Variants in AGAP3 observed in about 807,000 individuals in gnomAD.
The protein encoded by AGAP3 is ArfGAP with GTPase domain, ankyrin repeat and PH domain 3, also known as arf-GAP with GTPase, ANK repeat and PH domain-containing protein 3.
AGAP3 carries 24 observed loss-of-function variants against 96.9 expected under a neutral mutation model. The ratio of observed to expected loss-of-function variants is 0.25; its 90% confidence interval spans 0.18 to 0.35. AGAP3 has a LOEUF of 0.35. Ranked by LOEUF, AGAP3 falls within the 10% of genes least tolerant of loss-of-function variation. The pLI is 1.00. For missense variants in AGAP3, 876 were observed against 1,254.2 expected, an observed-to-expected ratio of 0.70 and a Z score of 4.55; for synonymous variants, 563 against 536.1, an observed-to-expected ratio of 1.05 and a Z score of -0.69.
At chr7:151,136,176 A>C (rs1226780987) in intron 11 of AGAP3, 1 of 152,250 alleles carries the variant, frequency 6.6e-6, no homozygotes, top group Non-Finnish European at 1.5e-5. Context: ...GGTTTCTCTT[A>C]TCATTCCAAA....
In AGAP3 at chr7:151,144,045, C is replaced by A. The variant is rs1800927971; in HGVS notation, c.*102C>A. The A allele has an allele frequency of 7.8e-7, 1 of 1,283,880 alleles. No individual in the cohort carries two copies. Among genetic ancestry groups the A allele is most frequent in the Non-Finnish European group, 1.1e-6 (1 of 924,858 alleles). 79.5% of individuals were successfully genotyped at this position (1,283,880 alleles called of 1,614,324 possible). On this transcript the variant is annotated 3_prime_UTR_variant, in exon 18 of 18. Coordinates refer to ENST00000397238, the MANE Select transcript of AGAP3 (RefSeq NM_031946.7). ...AGACACAGAGATGGAGAAGCAGGGA[C>A]ATGCTGAGAGGACGAAGCCAAGGAA...
chr7:151,123,639 C>G, intron 8 of AGAP3, 155 bp from the exon 9 acceptor site: 1 of 1,478,704 alleles, frequency 6.8e-7, no homozygotes, highest in East Asian at 2.4e-5. Context: ...TTGGAATACT[C>G]GTGGTCTCAG....
At chr7:151,104,389 C>G (rs1387767024) in intron 1 of AGAP3, among the ~76,000 whole-genome samples, 1 of 152,140 alleles carries the variant, frequency 6.6e-6, no homozygotes, top group Non-Finnish European at 1.5e-5. Context: ...TGCACATGTG[C>G]CGGATACATG....
chr7:151,115,788 G>A, intron 1 of AGAP3: 1 of 444,882 alleles, frequency 2.2e-6, no homozygotes, highest in Non-Finnish European at 3.2e-6. Context: ...CTGGCGTCTG[G>A]GGTCTTCGGC....
rs1205649146 is a variant in AGAP3, at chr7:151,096,639, A to AT, written c.331+9573dup. 1.3e-5 allele frequency among the ~76,000 whole-genome samples: 2 copies of AT among 149,628 alleles called. No homozygotes were observed. The highest frequency in any genetic ancestry group is 3.0e-5 in the Non-Finnish European group (2 of 67,522). On this transcript the variant is annotated intron_variant, in intron 1 of 17. Transcript: ENST00000397238. This position sits in a 1 kb window ranked among gnomAD's most constrained non-coding sequence, Gnocchi z 4.4. Reference sequence around the variant, plus strand: ...AGGTGCCCACCACCACGCCCGGCTTATTTTTTGTATTTTTAGTAGAGACGA... The same window carrying AT: ...AGGTGCCCACCACCACGCCCGGCTTATTTTTTTGTATTTTTAGTAGAGACGA...
chr7:151,136,704 T>G (rs1279069944), intron 11 of AGAP3: 2 of 151,996 alleles, frequency 1.3e-5, no homozygotes, highest in Non-Finnish European at 2.9e-5. Context: ...CCCTCAGGAT[T>G]TTGGGTCGGG....
At chr7:151,092,505 G>C (rs76396113) in intron 1 of AGAP3, among the ~76,000 whole-genome samples, 46 of 152,322 alleles carry the variant, frequency 3.0e-4, no homozygotes, top group African/African-American at 9.6e-4. Context: ...GGTAGGGAAG[G>C]GGGGTGAGCC....
At chr7:151,135,109 G>A (rs1185571191) in intron 11 of AGAP3, among the ~76,000 whole-genome samples, 2 of 152,186 alleles carry the variant, frequency 1.3e-5, no homozygotes, top group Non-Finnish European at 2.9e-5. Flanking sequence ...TGGCTCAGGT[G>A]AAAGGCCTCC....
At chr7:151,113,547 A>T (rs756186070) in intron 1 of AGAP3, among the ~76,000 whole-genome samples, 1 of 152,196 alleles carries the variant, frequency 6.6e-6, no homozygotes, top group Non-Finnish European at 1.5e-5. Flanking sequence ...TCTAAAGCTG[A>T]AAGGGACGCT....
In AGAP3 at chr7:151,142,677, C is replaced by T. The variant is rs7789289; in HGVS notation, c.2273+43C>T. 4.0e-3 allele frequency: 6,329 copies of T among 1,577,670 alleles called. 131 individuals carry two copies. In the African/African-American group the frequency reaches 0.054, roughly 14 times the overall value. ...TGGAGCTGGCCAGGAATGGGGGAAG[C>T]GTTGGGGGCTCCCAGCATGGGGAAG... is the stretch of plus-strand genomic sequence containing the variant. On this transcript the variant is annotated intron_variant, in intron 16 of 17. Coordinates refer to ENST00000397238, the MANE Select transcript of AGAP3 (RefSeq NM_031946.7). This position sits in a 1 kb window ranked among gnomAD's most constrained non-coding sequence, Gnocchi z 7.5.
chr7:151,141,971 G>T lies in AGAP3; in HGVS notation c.1878G>T (p.Ala626=). The part of the protein sequence containing the change: ...GQTWHFEAST[A]EERELWVQSV... ...CGTGGCACTTCGAGGCTTCAACGGC[G>T]GAGGAGCGGGAGCTGTGGGTTCAGA... Residue 626 remains alanine, a synonymous_variant, in exon 14 of 18, where the codon GCG becomes GCT. Coordinates refer to ENST00000397238, the MANE Select transcript of AGAP3 (RefSeq NM_031946.7). The surrounding 1 kb of genome is among the most constrained non-coding windows in gnomAD (Gnocchi z 4.2). 1 of 1,614,178 alleles carries T rather than the reference G, an allele frequency of 6.2e-7. No homozygotes were observed. Among genetic ancestry groups the T allele is most frequent in the Non-Finnish European group, 8.5e-7 (1 of 1,180,024 alleles).
chr7:151,116,221 G>A (rs1799574638), intron 1 of AGAP3: 1 of 152,876 alleles, frequency 6.5e-6, no homozygotes, highest in Non-Finnish European at 1.5e-5. Context: ...TGCTAAGGAG[G>A]AGCTTAGAGA....
intron 1 of AGAP3, among the ~76,000 whole-genome samples, chr7:151,106,929 T>C (rs1339428019): frequency 6.6e-6 from 1 of 152,228 alleles, no homozygotes; most frequent in African/African-American, 2.4e-5. Context: ...ACCTGCACTT[T>C]CAGCAGCTGT....
intron 10 of AGAP3, among the ~76,000 whole-genome samples, chr7:151,130,583 G>A (rs1800363798): frequency 6.6e-6 from 1 of 152,114 alleles, no homozygotes; most frequent in South Asian, 2.1e-4. Context: ...GGGTGTCTGA[G>A]CCCCCAGGAG....
intron 8 of AGAP3, chr7:151,123,153 T>C: frequency 9.2e-7 from 1 of 1,085,324 alleles, no homozygotes; most frequent in Non-Finnish European, 1.1e-6. Flanking sequence ...CCTCTGCTCC[T>C]TCCTGCATGG....
At chr7:151,109,645 G>A (rs181237880) in intron 1 of AGAP3, among the ~76,000 whole-genome samples, 1 of 152,272 alleles carries the variant, frequency 6.6e-6, no homozygotes, top group African/African-American at 2.4e-5. Flanking sequence ...TCCAAATAAG[G>A]TCACATTCTG....
At chr7:151,135,740 G>T (rs1800567408) in intron 11 of AGAP3, among the ~76,000 whole-genome samples, 1 of 152,242 alleles carries the variant, frequency 6.6e-6, no homozygotes, top group African/African-American at 2.4e-5. Flanking sequence ...CTATGCAGTG[G>T]ATGTCTCTGC....
At chr7:151,117,000 CCTTTCT>C in intron 2 of AGAP3, 89 bp from the exon 3 acceptor site, 1 of 1,476,522 alleles carries the variant, frequency 6.8e-7, no homozygotes, top group Non-Finnish European at 9.4e-7. Context: ...TCAGCCCTGG[CCTTTCT>C]CCCTCCTGCT....
intron 1 of AGAP3, among the ~76,000 whole-genome samples, chr7:151,115,827 G>A (rs1325379944): frequency 6.6e-6 from 1 of 152,238 alleles, no homozygotes; most frequent in Non-Finnish European, 1.5e-5. Flanking sequence ...GCCGGAGGGG[G>A]AGCTCTCGGG....
Sources: gnomAD v4.1 joint callset for allele counts (sites outside exome capture counted in the v4.1 genomes callset) on GRCh38, gnomAD v4.1.1 for gene constraint, Gnocchi (gnomAD v3.1) non-coding constraint, MANE v1.5 for transcripts, NCBI Gene and HGNC (gene_info 2026-07-23, HGNC 2026-07-21) for gene names.